The following EDNRA variants were observed in gnomAD, a reference collection of about 807,000 sequenced individuals.
The protein encoded by EDNRA is endothelin-1 receptor.
In EDNRA, 11 loss-of-function variants were observed where a neutral mutation model predicts 41.4. The observed-to-expected ratio is 0.27, with a 90% CI of 0.17 to 0.44. The LOEUF (loss-of-function observed/expected upper bound fraction) is 0.44. EDNRA is among the 20% of genes least tolerant of loss of function. The pLI is 1.00. For synonymous variants in EDNRA, 172 were observed against 183.0 expected (o/e 0.94, Z 0.49); for missense variants, 294 against 531.0 (o/e 0.55, Z 4.39).
Position 147,485,850 on chromosome 4 carries a change from T to G in EDNRA, c.169T>G (p.Leu57Val), listed in dbSNP as rs1244981928. The change falls in exon 2 of 8, where the codon TTG becomes GTG. Residue 57 changes from leucine (L) to valine (V), a missense_variant. Physicochemically the swap from Leu to Val is conservative, Grantham distance 32 (BLOSUM62 1). Transcript: ENST00000651419. ...FLVTTHQPTN[L>V]VLPSNGSMHN... ...GGTTACCACTCATCAACCCACTAAT[T>G]TGGTCCTACCCAGCAATGGCTCAAT... 6.2e-7 allele frequency: 1 copy of G among 1,614,118 alleles called. No individual in the cohort carries two copies. Among genetic ancestry groups the G allele is most frequent in the African/African-American group, 1.3e-5 (1 of 74,952 alleles).
Position 147,519,522 on chromosome 4 carries a change from GTATTA to G in EDNRA, c.421-325_421-321del, listed in dbSNP as rs1196801725. Reference sequence around the variant, plus strand: ...GGCACATCTCTTCTGTTATTAAATTGTATTATATAACTATAATATATTTAATATAT... The same window carrying G: ...GGCACATCTCTTCTGTTATTAAATTGTATAACTATAATATATTTAATATAT... On this transcript the variant is annotated intron_variant, in intron 2 of 7. Coordinates refer to ENST00000651419, the MANE Select transcript of EDNRA (RefSeq NM_001957.4). The surrounding 1 kb of genome is among the most constrained non-coding windows in gnomAD (Gnocchi z 4.1). Among the ~76,000 whole-genome samples the G allele has an allele frequency of 1.3e-5, 2 of 149,256 alleles. No individual in the cohort carries two copies. Among genetic ancestry groups the G allele is most frequent in the Admixed American group, 6.7e-5 (1 of 14,918 alleles).
intron 2 of EDNRA, chr4:147,488,412 C>G (rs1729015237): frequency 6.6e-6 from 1 of 152,128 alleles, no homozygotes; most frequent in Non-Finnish European, 1.5e-5. Flanking sequence ...CTTATTTGAC[C>G]ATATTGTTCT....
At position 147,532,343 on chromosome 4, in the gene EDNRA, A is replaced by C. The variant is rs1730780040; in HGVS notation, c.549-163A>C. Reference sequence around the variant, plus strand: ...TTTGCCTCAAAAAAAAAAAAAAAAAAAAAAAAACCCACTTGGTTTTCATAC... The same window carrying C: ...TTTGCCTCAAAAAAAAAAAAAAAAACAAAAAAACCCACTTGGTTTTCATAC... On this transcript the variant is annotated intron_variant, in intron 3 of 7. Transcript: ENST00000651419. Among the ~76,000 whole-genome samples the C allele has an allele frequency of 1.3e-5, 2 of 150,816 alleles. 1 individual carries two copies. The highest frequency in any genetic ancestry group is 1.3e-4 in the Admixed American group (2 of 15,194).
rs199624754 is a variant in EDNRA, at chr4:147,544,220, T to C, written c.*1602T>C. On this transcript the variant is annotated 3_prime_UTR_variant, in exon 8 of 8. Coordinates refer to ENST00000651419, the MANE Select transcript of EDNRA (RefSeq NM_001957.4). ...AGTCCATTTTAACCTGTAGCAACCT[T>C]CTGCATTCATAAATCTTGTAATCAT... The C allele has an allele frequency of 6.5e-6, 1 of 152,962 alleles. No homozygotes were observed. Among genetic ancestry groups the C allele is most frequent in the Non-Finnish European group, 1.5e-5 (1 of 68,050 alleles). 9.5% of individuals were successfully genotyped at this position (152,962 alleles called of 1,614,324 possible).
intron 3 of EDNRA, among the ~76,000 whole-genome samples, chr4:147,523,224 A>T (rs543725077): frequency 6.6e-6 from 1 of 152,216 alleles, no homozygotes; most frequent in Non-Finnish European, 1.5e-5. Flanking sequence ...CTCTTAGTTA[A>T]ATCTCTCCTG....
At chr4:147,495,792 T>C (rs1455464378) in intron 2 of EDNRA, 1 of 152,252 alleles carries the variant, frequency 6.6e-6, no homozygotes, top group Admixed American at 6.5e-5. Context: ...GCTTGACTGA[T>C]AAAGCTAGAG....
chr4:147,523,477 G>GTT (rs1560910677), intron 3 of EDNRA, among the ~76,000 whole-genome samples: 6 of 102,790 alleles, frequency 5.8e-5, no homozygotes, highest in African/African-American at 3.3e-4. Context: ...TTTTGTTGTT[G>GTT]TTGTTTTTTT....
chr4:147,520,092 G>C (rs575124884), intron 3 of EDNRA, 114 bp downstream of exon 3: 3 of 1,327,034 alleles, frequency 2.3e-6, no homozygotes, highest in African/African-American at 3.0e-5. Flanking sequence ...AGCTTCAAGT[G>C]AATTAAAGCA....
intron 5 of EDNRA, among the ~76,000 whole-genome samples, chr4:147,537,798 A>C (rs7439670): frequency 0.029 from 2,965 of 100,996 alleles, 95 homozygotes; most frequent in African/African-American, 0.13. Flanking sequence ...AGAACCCAAG[A>C]TTTTGTCCTC....
chr4:147,505,009 C>G (rs1304790539), intron 2 of EDNRA, among the ~76,000 whole-genome samples: 1 of 115,324 alleles, frequency 8.7e-6, no homozygotes, highest in African/African-American at 4.3e-5. Flanking sequence ...AGAGAATTCT[C>G]AAAACTCAAT....
At chr4:147,507,828 T>C (rs1729775212) in intron 2 of EDNRA, among the ~76,000 whole-genome samples, 1 of 152,230 alleles carries the variant, frequency 6.6e-6, no homozygotes, top group Non-Finnish European at 1.5e-5. Context: ...TGTCAGTCTT[T>C]TTCATTACAG....
At chr4:147,490,276 C>T (rs1729097225) in intron 2 of EDNRA, 1 of 151,948 alleles carries the variant, frequency 6.6e-6, no homozygotes, top group African/African-American at 2.4e-5. Flanking sequence ...CAGTTGCCTT[C>T]TTGGTTTTGA....
rs535004833 is a variant in EDNRA at position 147,524,232 on chromosome 4, C to A, written c.548+4254C>A. Among the ~76,000 whole-genome samples, 3 of 151,986 alleles carry A rather than the reference C, an allele frequency of 2.0e-5. No homozygotes were observed. In the East Asian group the frequency reaches 5.8e-4, roughly 29 times the overall value. ...GGCCCAGGGTGCAGAGCTGGTTCCT[C>A]CTCACTTTTTTGTTCTGCCTCCTCT... On this transcript the variant is annotated intron_variant, in intron 3 of 7. Coordinates refer to ENST00000651419, the MANE Select transcript of EDNRA (RefSeq NM_001957.4).
intron 3 of EDNRA, among the ~76,000 whole-genome samples, chr4:147,520,682 T>A (rs977308270): frequency 6.6e-6 from 1 of 152,270 alleles, no homozygotes; most frequent in East Asian, 1.9e-4. Flanking sequence ...ATATTTACTA[T>A]AATCTCACAC....
chr4:147,503,057 A>C (rs944748865), intron 2 of EDNRA, among the ~76,000 whole-genome samples: 15 of 152,176 alleles, frequency 9.9e-5, no homozygotes, highest in African/African-American at 3.6e-4. Context: ...TCTTTTGTTC[A>C]GCCTTGAGTT....
At position 147,506,767 on chromosome 4, in the gene EDNRA, A is replaced by G. The variant is rs967517796; in HGVS notation, c.421-13084A>G. The G allele has an allele frequency of 6.4e-5, 18 of 280,942 alleles. 1 individual carries two copies. In the East Asian group the frequency reaches 7.0e-4, roughly 11 times the overall value. 17.4% of individuals were successfully genotyped at this position (280,942 alleles called of 1,614,324 possible). On this transcript the variant is annotated intron_variant, in intron 2 of 7. Coordinates refer to ENST00000651419, the MANE Select transcript of EDNRA (RefSeq NM_001957.4). ...CAAGGAGAAGAAATGAGTGATTAAG[A>G]TGGCTCCTAGCCAGCATGTTAGTGA...
chr4:147,539,205 G>T (rs1326208271), intron 5 of EDNRA, among the ~76,000 whole-genome samples: 1 of 151,538 alleles, frequency 6.6e-6, no homozygotes, highest in Non-Finnish European at 1.5e-5. Context: ...ATTAAGAAAA[G>T]AATTTAAAGA....
rs924735931 is a variant in EDNRA, at chr4:147,542,867, G to A, written c.*249G>A. On this transcript the variant is annotated 3_prime_UTR_variant, in exon 8 of 8. Transcript: ENST00000651419. The stretch of plus-strand genomic sequence containing the variant: ...TGTATTCAGCACTAAAAAATGGTGG[G>A]AGCTGGGGGAGAATGAAGACTGTTA... 2 of 377,334 alleles carry A rather than the reference G, an allele frequency of 5.3e-6. No individual in the cohort carries two copies. The highest frequency in any genetic ancestry group is 2.1e-5 in the African/African-American group (1 of 48,638). 23.4% of individuals were successfully genotyped at this position (377,334 alleles called of 1,614,324 possible). A position where few individuals can be genotyped will look rare whatever the true frequency, so the allele number is the denominator to read the frequency against.
intron 1 of EDNRA, among the ~76,000 whole-genome samples, chr4:147,484,150 A>G (rs1025463732): frequency 8.5e-5 from 13 of 152,204 alleles, no homozygotes; most frequent in African/African-American, 3.1e-4. Context: ...AAGGAAATAT[A>G]TAAAATATTG....
Sources: gnomAD v4.1 joint callset for allele counts (sites outside exome capture counted in the v4.1 genomes callset) on GRCh38, gnomAD v4.1.1 for gene constraint, Gnocchi (gnomAD v3.1) non-coding constraint, MANE v1.5 for transcripts, NCBI Gene and HGNC (gene_info 2026-07-23, HGNC 2026-07-21) for gene names.